Variants in TUBA1C observed in about 807,000 individuals in gnomAD.
TUBA1C encodes the protein tubulin alpha 1c.
A neutral mutation model predicts 34.9 loss-of-function variants in TUBA1C; 16 were observed. The observed-to-expected ratio is 0.46, with a 90% CI of 0.31 to 0.70. The LOEUF (loss-of-function observed/expected upper bound fraction) is 0.70. TUBA1C is among the 30% of genes least tolerant of loss of function. TUBA1C has a pLI of 0.05. For synonymous variants in TUBA1C, 177 were observed against 215.9 expected (o/e 0.82, Z 1.58); for missense variants, 329 against 587.3 (o/e 0.56, Z 4.55).
chr12:49,269,535 G>C lies in TUBA1C; in HGVS notation c.74G>C (p.Cys25Ser). The C allele has an allele frequency of 6.2e-7, 1 of 1,614,238 alleles. No individual in the cohort carries two copies. Among genetic ancestry groups the C allele is most frequent in the Non-Finnish European group, 8.5e-7 (1 of 1,180,048 alleles). The change falls in exon 2 of 4, where the codon TGC becomes TCC. Residue 25 changes from cysteine (C) to serine (S), a missense_variant. Cys to Ser is a moderately radical substitution (Grantham distance 112). This residue lies in a region of TUBA1C where 152 missense variants were observed against 240.3 expected (regional missense o/e 0.63). Coordinates refer to ENST00000301072, the MANE Select transcript of TUBA1C (RefSeq NM_032704.5). The part of the protein sequence containing the change: ...QIGNACWELY[C>S]LEHGIQPDGQ... Reference sequence around the variant, plus strand: ...GGCAATGCCTGCTGGGAGCTCTACTGCCTGGAACACGGCATCCAGCCCGAT... The same window carrying C: ...GGCAATGCCTGCTGGGAGCTCTACTCCCTGGAACACGGCATCCAGCCCGAT...
At chr12:49,266,613 C>A (rs527310543) in intron 1 of TUBA1C, among the ~76,000 whole-genome samples, 317 of 152,278 alleles carry the variant, frequency 2.1e-3, no homozygotes, top group Non-Finnish European at 3.9e-3. Flanking sequence ...CTTTGGGAGT[C>A]CGAGGCGGGA....
chr12:49,249,689 T>C (rs1942713081), intron 1 of TUBA1C, among the ~76,000 whole-genome samples: 1 of 150,052 alleles, frequency 6.7e-6, no homozygotes, highest in Non-Finnish European at 1.5e-5. Context: ...GTGAACACCG[T>C]CTCTTCCAAA....
chr12:49,266,149 G>C (rs1437790817), intron 1 of TUBA1C, among the ~76,000 whole-genome samples: 1 of 148,966 alleles, frequency 6.7e-6, no homozygotes, highest in Non-Finnish European at 1.5e-5. Flanking sequence ...AACCCGGCCC[G>C]GCGCGGTGGC....
upstream of TUBA1C, among the ~76,000 whole-genome samples, chr12:49,264,403 C>T (rs547167597): frequency 1.3e-5 from 2 of 152,316 alleles, no homozygotes; most frequent in African/African-American, 4.8e-5. Context: ...GAGTTTAAGG[C>T]GCGTTCGTGG....
At chr12:49,230,420 T>A (rs890196007) in intron 1 of TUBA1C, among the ~76,000 whole-genome samples, 2 of 152,174 alleles carry the variant, frequency 1.3e-5, no homozygotes, top group African/African-American at 4.8e-5. Context: ...AGGTACAGTG[T>A]TATCAGTAGA....
At chr12:49,240,614 G>T (rs977838595) in intron 1 of TUBA1C, among the ~76,000 whole-genome samples, 1 of 152,084 alleles carries the variant, frequency 6.6e-6, no homozygotes, top group Non-Finnish European at 1.5e-5. Flanking sequence ...TTGGGACAGG[G>T]TCTCTCTCTG....
At chr12:49,230,064 G>GC (rs748686138) in intron 1 of TUBA1C, among the ~76,000 whole-genome samples, 5 of 151,490 alleles carry the variant, frequency 3.3e-5, no homozygotes, top group Non-Finnish European at 7.4e-5. Context: ...GGGATTACAG[G>GC]CATAAGTCAA....
At position 49,269,651 on chromosome 12, in the gene TUBA1C, C is replaced by T. The variant is rs755979564; in HGVS notation, c.190C>T (p.Arg64Trp). The T allele has an allele frequency of 1.9e-6, 3 of 1,614,172 alleles. No homozygotes were observed. Among genetic ancestry groups the T allele is most frequent in the South Asian group, 1.1e-5 (1 of 91,086 alleles). ...SETGAGKHVP[R>W]AVFVDLEPTV... The stretch of plus-strand genomic sequence containing the variant: ...AACGGGTGCTGGCAAGCATGTGCCC[C>T]GGGCAGTGTTTGTAGACTTGGAACC... The change falls in exon 2 of 4, where the codon CGG (arginine) becomes TGG (tryptophan). Residue 64 changes from arginine (R) to tryptophan (W), a missense_variant. By Grantham distance (101) the Arg-to-Trp change is moderately radical (BLOSUM62 -3). Around this residue, in one of 4 missense-constraint regions of TUBA1C, gnomAD observed 152 missense variants for 240.3 expected, o/e 0.63. Transcript: ENST00000301072.
intron 1 of TUBA1C, among the ~76,000 whole-genome samples, chr12:49,235,902 C>T (rs1483172249): frequency 6.6e-6 from 1 of 152,196 alleles, no homozygotes. Flanking sequence ...ATTTAATTTC[C>T]TCCACCGGCC....
At chr12:49,248,509 A>G (rs1942697896) in intron 1 of TUBA1C, among the ~76,000 whole-genome samples, 1 of 150,722 alleles carries the variant, frequency 6.6e-6, no homozygotes, top group Admixed American at 6.6e-5. Context: ...CGGAGATTAC[A>G]GTGAGCTGAG....
intron 1 of TUBA1C, among the ~76,000 whole-genome samples, chr12:49,246,382 A>C (rs1942667370): frequency 6.6e-6 from 1 of 152,148 alleles, no homozygotes; most frequent in South Asian, 2.1e-4. Context: ...GATAGAATTG[A>C]AAATGGCCTG....
rs980589693 is a variant in TUBA1C, at chr12:49,228,278, G to C, written c.213+112G>C. On this transcript the variant is annotated intron_variant, in intron 1 of 3. Coordinates refer to the TUBA1C transcript ENST00000541364. ...AATTTGCTCCTATTTATTGTTTCAT[G>C]TTTAATTATATTGGTGGCATTAGTG... The C allele has an allele frequency of 3.9e-6, 4 of 1,019,540 alleles. No individual in the cohort carries two copies. The East Asian group carries it at 1.1e-4, about 27-fold the overall frequency. The allele number at this position is 1,019,540 out of a possible 1,614,324, so 63.2% of individuals were successfully genotyped here.
chr12:49,245,709 G>C (rs1294213914), intron 1 of TUBA1C, among the ~76,000 whole-genome samples: 1 of 152,182 alleles, frequency 6.6e-6, no homozygotes, highest in Non-Finnish European at 1.5e-5. Flanking sequence ...GTCAGCAAGA[G>C]GATTTTGCCA....
intron 3 of TUBA1C, 99 bp downstream of exon 3, chr12:49,270,075 T>C: frequency 1.2e-6 from 2 of 1,605,224 alleles, no homozygotes; most frequent in Non-Finnish European, 1.7e-6. Flanking sequence ...TGAGACTATT[T>C]GCATTGCAAC....
intron 1 of TUBA1C, among the ~76,000 whole-genome samples, chr12:49,247,831 C>A (rs372450398): frequency 6.9e-6 from 1 of 145,640 alleles, no homozygotes; most frequent in Admixed American, 6.9e-5. Context: ...ACCTGTAATC[C>A]CAGCTACTCA....
intron 3 of TUBA1C, among the ~76,000 whole-genome samples, chr12:49,270,613 A>AT (rs1393632962): frequency 6.6e-6 from 1 of 152,224 alleles, no homozygotes; most frequent in Non-Finnish European, 1.5e-5. Context: ...TAGCCTCATC[A>AT]TTCATGGCTT....
chr12:49,254,815 C>A (rs1236187698), intron 1 of TUBA1C, among the ~76,000 whole-genome samples: 1 of 152,088 alleles, frequency 6.6e-6, no homozygotes, highest in Non-Finnish European at 1.5e-5. Context: ...GGTGACCAGA[C>A]CCTATCCTGA....
chr12:49,238,464 C>T (rs1465564761), intron 1 of TUBA1C, among the ~76,000 whole-genome samples: 1 of 152,040 alleles, frequency 6.6e-6, no homozygotes, highest in Non-Finnish European at 1.5e-5. Flanking sequence ...TCGGATCCCA[C>T]GAGGACTGAG....
intron 1 of TUBA1C, chr12:49,234,180 C>T (rs1230063566): frequency 6.6e-6 from 1 of 152,300 alleles, no homozygotes; most frequent in African/African-American, 2.4e-5. Flanking sequence ...ATGACAAACG[C>T]CTCCACCTTG....
Sources: gnomAD v4.1 joint callset for allele counts (sites outside exome capture counted in the v4.1 genomes callset) on GRCh38, gnomAD v4.1.1 for gene constraint, gnomAD v4.1.1 regional missense constraint, MANE v1.5 for transcripts, NCBI Gene and HGNC (gene_info 2026-07-23, HGNC 2026-07-21) for gene names.